GRM8: variants seen among roughly 807,000 people sequenced by gnomAD.
GRM8 encodes the protein glutamate metabotropic receptor 8.
A neutral mutation model predicts 87.2 loss-of-function variants in GRM8; 47 were observed. The ratio of observed to expected loss-of-function variants is 0.54; its 90% CI spans 0.43 to 0.69. GRM8 has a LOEUF of 0.69. GRM8 is among the 30% of genes least tolerant of loss of function. The pLI is 0.00. For synonymous variants in GRM8, 396 were observed against 404.5 expected (o/e 0.98, Z 0.25); for missense variants, 1,019 against 1,139.2 (o/e 0.89, Z 1.52).
intron 2 of GRM8, among the ~76,000 whole-genome samples, chr7:127,180,507 C>T (rs1192861367): frequency 1.3e-5 from 2 of 152,024 alleles, no homozygotes; most frequent in Non-Finnish European, 2.9e-5. Context: ...CTGAAGCCAG[C>T]ATCACCCTAA....
intron 6 of GRM8, among the ~76,000 whole-genome samples, chr7:126,821,968 A>G (rs968473147): frequency 3.3e-5 from 5 of 152,192 alleles, no homozygotes; most frequent in Admixed American, 2.6e-4. Flanking sequence ...TTTGAAAATA[A>G]CTAATCAGTT....
intron 3 of GRM8, among the ~76,000 whole-genome samples, chr7:126,909,719 C>A (rs1335650388): frequency 6.6e-6 from 1 of 152,142 alleles, no homozygotes; most frequent in East Asian, 1.9e-4. Context: ...TTACAATACA[C>A]ATGATCACTC....
chr7:126,703,628 C>T (rs914996393), intron 7 of GRM8, among the ~76,000 whole-genome samples: 2 of 152,150 alleles, frequency 1.3e-5, no homozygotes, highest in Non-Finnish European at 2.9e-5. Flanking sequence ...GGTATGATCA[C>T]AGCTCACTGC....
At position 126,446,293 on chromosome 7, in the gene GRM8, T is replaced by C. The variant is rs766834766; in HGVS notation, c.2510A>G (p.Lys837Arg). The C allele has an allele frequency of 1.2e-5, 19 of 1,610,282 alleles. No homozygotes were observed. Among genetic ancestry groups the C allele is most frequent in the Admixed American group, 3.3e-5 (2 of 59,778 alleles). ...TGGATGAAAAATTATAATATAAACC[T>C]TGGGCATATAGAGCATGCCCAGAGA... ...SVSLGMLYMP[K>R]VYIIIFHPEQ... The change falls in exon 10 of 11, where the codon AAG becomes AGG. Residue 837 changes from lysine (K) to arginine (R), a missense_variant. Coordinates refer to ENST00000339582, the MANE Select transcript of GRM8 (RefSeq NM_000845.3).
At chr7:127,044,292 C>G (rs1165106671) in intron 3 of GRM8, among the ~76,000 whole-genome samples, 1 of 152,172 alleles carries the variant, frequency 6.6e-6, no homozygotes, top group Non-Finnish European at 1.5e-5. Flanking sequence ...ATTTCCTGTT[C>G]CCCACCATCA....
intron 8 of GRM8, among the ~76,000 whole-genome samples, chr7:126,594,811 A>ACATCATGTT (rs1797010892): frequency 1.3e-5 from 2 of 152,180 alleles, no homozygotes; most frequent in African/African-American, 4.8e-5. Context: ...ATACTTCAAA[A>ACATCATGTT]CATCATGTTG....
At chr7:126,832,332 T>A (rs539978652) in intron 6 of GRM8, among the ~76,000 whole-genome samples, 1 of 152,286 alleles carries the variant, frequency 6.6e-6, no homozygotes, top group East Asian at 1.9e-4. Flanking sequence ...GCTAGGAATG[T>A]GCACTCAAAC....
chr7:126,773,534 C>T (rs1162451257), intron 6 of GRM8, among the ~76,000 whole-genome samples: 1 of 152,110 alleles, frequency 6.6e-6, no homozygotes, highest in East Asian at 1.9e-4. Flanking sequence ...GCCAGTGCAA[C>T]CTCAATTTAA....
Position 127,180,387 on chromosome 7 carries a change from A to T in GRM8, c.510+62308T>A, listed in dbSNP as rs147796713. ...TTACCAACACAAAAAGTCCGGGACC[A>T]GACGGATTCACAGCAGAATTCTACC... On this transcript the variant is annotated intron_variant, in intron 2 of 10. Coordinates refer to ENST00000339582, the MANE Select transcript of GRM8 (RefSeq NM_000845.3). 7.8e-3 allele frequency among the ~76,000 whole-genome samples: 1,182 copies of T among 152,188 alleles called. 14 individuals are homozygous for T. The highest frequency in any genetic ancestry group is 0.01 in the Non-Finnish European group (691 of 67,914).
intron 6 of GRM8, among the ~76,000 whole-genome samples, chr7:126,821,830 GT>G (rs1794329879): frequency 6.6e-6 from 1 of 152,126 alleles, no homozygotes; most frequent in Non-Finnish European, 1.5e-5. Context: ...GATCTGACCA[GT>G]TTTTTCATAA....
At chr7:127,199,706 A>G (rs1460060187) in intron 2 of GRM8, among the ~76,000 whole-genome samples, 3 of 152,194 alleles carry the variant, frequency 2.0e-5, no homozygotes, top group African/African-American at 7.2e-5. Flanking sequence ...AATGATGCAA[A>G]TTGTGCCTCC....
chr7:126,510,597 A>G (rs1811196884), intron 9 of GRM8, among the ~76,000 whole-genome samples: 1 of 152,224 alleles, frequency 6.6e-6, no homozygotes, highest in Admixed American at 6.5e-5. Flanking sequence ...ACCCTCAAAT[A>G]TGTAAAGAAT....
rs377025788 is a variant in GRM8 at position 126,614,709 on chromosome 7, G to A, written c.1358-5211C>T. ...CTGATGGAGCTGAAAACTATGGCACGAGAAATACGTGATGAATGCACAAGC... is the reference window on the plus strand; with the variant it reads ...CTGATGGAGCTGAAAACTATGGCACAAGAAATACGTGATGAATGCACAAGC... On this transcript the variant is annotated intron_variant, in intron 7 of 10. Coordinates refer to ENST00000339582, the MANE Select transcript of GRM8 (RefSeq NM_000845.3). Among the ~76,000 whole-genome samples, 15 of 152,308 alleles carry A rather than the reference G, an allele frequency of 9.8e-5. No homozygotes were observed. The East Asian group carries it at 1.9e-3, about 20-fold the overall frequency.
chr7:126,474,250 ATGTGTG>A (rs149228365), intron 9 of GRM8, among the ~76,000 whole-genome samples: 1 of 148,994 alleles, frequency 6.7e-6, no homozygotes, highest in Non-Finnish European at 1.5e-5. Context: ...ATGTTTGTGC[ATGTGTG>A]TGTGTGTGTG....
chr7:126,556,880 A>T (rs575235913), intron 8 of GRM8, among the ~76,000 whole-genome samples: 5 of 152,238 alleles, frequency 3.3e-5, no homozygotes, highest in Non-Finnish European at 5.9e-5. Flanking sequence ...GATATAAATG[A>T]AAGACTTATT....
chr7:126,795,851 GA>G (rs912595481), intron 6 of GRM8, among the ~76,000 whole-genome samples: 77 of 139,958 alleles, frequency 5.5e-4, no homozygotes, highest in South Asian at 1.6e-3. Flanking sequence ...AATAAGACTG[GA>G]AAAAAAAAAA....
At chr7:126,753,389 T>C (rs1398729156) in intron 7 of GRM8, among the ~76,000 whole-genome samples, 2 of 150,816 alleles carry the variant, frequency 1.3e-5, no homozygotes, top group Non-Finnish European at 3.0e-5. Context: ...CACACAGGCA[T>C]ATATATATAT....
chr7:126,499,135 C>T (rs1230793529), intron 9 of GRM8, among the ~76,000 whole-genome samples: 1 of 151,872 alleles, frequency 6.6e-6, no homozygotes, highest in Non-Finnish European at 1.5e-5. Flanking sequence ...AAATTTGAAT[C>T]TCTCCAAATC....
intron 3 of GRM8, among the ~76,000 whole-genome samples, chr7:127,014,693 A>G (rs148403303): frequency 3.9e-5 from 6 of 152,104 alleles, no homozygotes; most frequent in African/African-American, 1.4e-4. Flanking sequence ...AACATTCAAA[A>G]TTTGGCTTAA....
Sources: gnomAD v4.1 joint callset for allele counts (sites outside exome capture counted in the v4.1 genomes callset) on GRCh38, gnomAD v4.1.1 for gene constraint, MANE v1.5 for transcripts, NCBI Gene and HGNC (gene_info 2026-07-23, HGNC 2026-07-21) for gene names.